Variants in CCDC73 observed in about 807,000 individuals in gnomAD.
The protein encoded by CCDC73 is coiled-coil domain containing 73.
In CCDC73, 95 loss-of-function variants were observed where a neutral mutation model predicts 116.5. The ratio of observed to expected loss-of-function variants is 0.82; its 90% CI spans 0.69 to 0.97. The LOEUF is 0.97. CCDC73 is among the 50% of genes least tolerant of loss of function. The pLI is 0.00. For synonymous variants in CCDC73, 398 were observed against 401.3 expected (o/e 0.99, Z 0.10); for missense variants, 1,066 against 1,206.8 (o/e 0.88, Z 1.73).
chr11:32,624,795 T>C (rs1431342114), intron 14 of CCDC73, among the ~76,000 whole-genome samples: 1 of 152,194 alleles, frequency 6.6e-6, no homozygotes, highest in Admixed American at 6.5e-5. Context: ...CAATGACAGA[T>C]GACAGACTGG....
chr11:32,793,588 G>A (rs894705852), intron 1 of CCDC73, among the ~76,000 whole-genome samples: 1 of 151,078 alleles, frequency 6.6e-6, no homozygotes, highest in African/African-American at 2.4e-5. Flanking sequence ...GAAGATTGCA[G>A]CAATGACATG....
At chr11:32,707,586 T>G (rs1849866528) in intron 3 of CCDC73, among the ~76,000 whole-genome samples, 1 of 152,122 alleles carries the variant, frequency 6.6e-6, no homozygotes, top group African/African-American at 2.4e-5. Flanking sequence ...GGGACAAGTT[T>G]TTTCGACGTT....
chr11:32,619,373 A>T (rs936959797), intron 14 of CCDC73, among the ~76,000 whole-genome samples: 3 of 152,226 alleles, frequency 2.0e-5, no homozygotes, highest in African/African-American at 7.2e-5. Flanking sequence ...GATGACAACC[A>T]AAAATATACA....
intron 17 of CCDC73, among the ~76,000 whole-genome samples, chr11:32,608,201 A>G (rs1248801535): frequency 2.6e-5 from 4 of 152,108 alleles, no homozygotes; most frequent in African/African-American, 9.7e-5. Flanking sequence ...TGCCTTCCCA[A>G]CACTCCCCCA....
At chr11:32,740,403 C>A (rs1850172920) in intron 2 of CCDC73, among the ~76,000 whole-genome samples, 1 of 151,988 alleles carries the variant, frequency 6.6e-6, no homozygotes, top group South Asian at 2.1e-4. Flanking sequence ...TTTTGGATTT[C>A]TTCATAGTTT....
chr11:32,675,711 G>T, intron 8 of CCDC73, 67 bp from the exon 9 acceptor site: 1 of 1,334,762 alleles, frequency 7.5e-7, no homozygotes, highest in East Asian at 2.4e-5. Flanking sequence ...GTATCATTAA[G>T]ATAAACAGGG....
At chr11:32,817,341 T>G in the CCDC73 span, among the ~76,000 whole-genome samples, 8 of 152,380 alleles carry the variant, frequency 5.3e-5, no homozygotes, top group African/African-American at 1.9e-4. Flanking sequence ...TTAAAAGGAC[T>G]GAATCATTTT....
At chr11:32,739,421 T>G (rs1001594767) in intron 2 of CCDC73, among the ~76,000 whole-genome samples, 11 of 152,270 alleles carry the variant, frequency 7.2e-5, no homozygotes, top group Non-Finnish European at 1.3e-4. Context: ...ATTCTTTGAT[T>G]AAGTTATTCC....
intron 2 of CCDC73, among the ~76,000 whole-genome samples, chr11:32,745,392 C>T (rs573085236): frequency 2.3e-4 from 35 of 152,104 alleles, no homozygotes; most frequent in Middle Eastern, 3.4e-3. Context: ...TGATTTGGGG[C>T]GGAGAGTTCT....
chr11:32,812,439 G>A, the CCDC73 span, among the ~76,000 whole-genome samples: 1 of 152,326 alleles, frequency 6.6e-6, no homozygotes, highest in African/African-American at 2.4e-5. Flanking sequence ...GCCGAGGCGG[G>A]TGGATCACCT....
intron 14 of CCDC73, among the ~76,000 whole-genome samples, chr11:32,619,675 AAAG>A (rs1855505350): frequency 6.6e-6 from 1 of 151,838 alleles, no homozygotes; most frequent in Non-Finnish European, 1.5e-5. Flanking sequence ...CCTGTTGAAG[AAAG>A]AAGGAGAAGG....
chr11:32,801,187 T>C, the CCDC73 span, among the ~76,000 whole-genome samples: 1 of 152,208 alleles, frequency 6.6e-6, no homozygotes, highest in South Asian at 2.1e-4. Context: ...CTGGCAGACA[T>C]CTGCTCATAT....
chr11:32,734,940 G>T (rs142675660), intron 2 of CCDC73, among the ~76,000 whole-genome samples: 15,419 of 152,166 alleles, frequency 0.1, 1,046 homozygotes, highest in Non-Finnish European at 0.15. Context: ...CTCAATAGAT[G>T]CAGAAAAGGC....
At chr11:32,616,264 T>C (rs959995093) in intron 14 of CCDC73, 135 bp from the exon 15 acceptor site, 13 of 891,146 alleles carry the variant, frequency 1.5e-5, no homozygotes, top group Non-Finnish European at 1.8e-5. Flanking sequence ...AAATGATTTT[T>C]TAGTAAGTTT....
rs534863253 is a variant in CCDC73, at chr11:32,635,780, G to A, written c.1101C>T (p.Ser367=). 117 of 1,252,796 alleles carry A rather than the reference G, an allele frequency of 9.3e-5. 1 individual carries two copies. The South Asian group carries it at 2.2e-3, about 23-fold the overall frequency. 77.6% of individuals were successfully genotyped at this position (1,252,796 alleles called of 1,614,324 possible). A position where few individuals can be genotyped will look rare whatever the true frequency, so the allele number is the denominator to read the frequency against. The change falls in exon 14 of 18, where the codon TCC becomes TCT. Residue 367 remains serine (S), a synonymous_variant. Transcript: ENST00000335185. ...EINKIKNELS[S]LKETHIKLQE... Reference sequence around the variant, plus strand: ...GTAACTTAATATGAGTTTCTTTAAGGGATGATAATTCATTTTTAATCTTAT... The same window carrying A: ...GTAACTTAATATGAGTTTCTTTAAGAGATGATAATTCATTTTTAATCTTAT...
At chr11:32,684,058 G>C (rs1203448122) in intron 6 of CCDC73, among the ~76,000 whole-genome samples, 1 of 151,962 alleles carries the variant, frequency 6.6e-6, no homozygotes, top group Non-Finnish European at 1.5e-5. Flanking sequence ...TTGTTTGTTT[G>C]TTTGTTTTTA....
At chr11:32,705,596 G>A (rs988291813) in intron 3 of CCDC73, among the ~76,000 whole-genome samples, 7 of 152,256 alleles carry the variant, frequency 4.6e-5, no homozygotes, top group South Asian at 2.1e-4. Flanking sequence ...GGCCAGTATC[G>A]CAAGCCGAGT....
intron 3 of CCDC73, among the ~76,000 whole-genome samples, chr11:32,707,007 T>G (rs926002463): frequency 2.6e-5 from 4 of 152,104 alleles, no homozygotes; most frequent in Admixed American, 1.3e-4. Context: ...AAATTGAAGA[T>G]CTCCATGAAG....
chr11:32,637,101 C>T lies in CCDC73; in HGVS notation c.1051-1271G>A, dbSNP rs983580329. 1.2e-4 allele frequency among the ~76,000 whole-genome samples: 17 copies of T among 141,688 alleles called. No individual in the cohort carries two copies. In the Admixed American group the frequency reaches 1.3e-3, roughly 11 times the overall value. The allele number at this position is 141,688 out of a possible 152,430, so 93.0% of individuals were successfully genotyped here. ...GTGGCGTGATCTTGGCTCACTGCAACCTCCGCCTCCTGGATTCAAGCGAGT... is the reference window on the plus strand; with the variant it reads ...GTGGCGTGATCTTGGCTCACTGCAATCTCCGCCTCCTGGATTCAAGCGAGT... On this transcript the variant is annotated intron_variant, in intron 13 of 17. Transcript: ENST00000335185.
Sources: gnomAD v4.1 joint callset for allele counts (sites outside exome capture counted in the v4.1 genomes callset) on GRCh38, gnomAD v4.1.1 for gene constraint, MANE v1.5 for transcripts, NCBI Gene and HGNC (gene_info 2026-07-23, HGNC 2026-07-21) for gene names.